VTI1A: variants seen among roughly 807,000 people sequenced by gnomAD.
VTI1A encodes vesicle transport through interaction with t-SNAREs homolog 1A.
VTI1A carries 22 observed loss-of-function variants against 34.9 expected under a neutral mutation model. The ratio of observed to expected loss-of-function variants is 0.63; its 90% CI spans 0.45 to 0.90. VTI1A has a LOEUF of 0.90. Ranked by LOEUF, VTI1A falls within the 40% of genes least tolerant of loss-of-function variation. VTI1A has a pLI of 0.00. For synonymous variants in VTI1A, 87 were observed against 97.3 expected, an observed-to-expected ratio of 0.89 and a Z score of 0.62; for missense variants, 268 against 275.6, an observed-to-expected ratio of 0.97 and a Z score of 0.20.
chr10:112,773,702 C>T (rs1288068801), intron 7 of VTI1A, among the ~76,000 whole-genome samples: 2 of 152,146 alleles, frequency 1.3e-5, no homozygotes, highest in Non-Finnish European at 2.9e-5. Context: ...ACTGCCCATC[C>T]GGTGCATCCT....
chr10:112,614,460 C>T (rs1845442218), intron 5 of VTI1A, among the ~76,000 whole-genome samples: 1 of 152,132 alleles, frequency 6.6e-6, no homozygotes, highest in Non-Finnish European at 1.5e-5. Context: ...AAGAAAGAGA[C>T]CGCCCATGGC....
the VTI1A span, among the ~76,000 whole-genome samples, chr10:112,839,504 T>C: frequency 1.4e-5 from 2 of 148,074 alleles, no homozygotes; most frequent in Non-Finnish European, 3.0e-5. Context: ...TGATGCCATC[T>C]GAGCTTTTTA....
intron 1 of VTI1A, among the ~76,000 whole-genome samples, chr10:112,452,608 A>G (rs561089165): frequency 2.0e-5 from 3 of 151,772 alleles, no homozygotes; most frequent in Non-Finnish European, 4.4e-5. Context: ...GGTTGTATTC[A>G]TCTTTGAATA....
chr10:112,821,518 A>T (rs1853655053), downstream of VTI1A, among the ~76,000 whole-genome samples: 1 of 152,160 alleles, frequency 6.6e-6, no homozygotes, highest in Admixed American at 6.5e-5. Context: ...TTGAGAATGA[A>T]CACATCCTCC....
At chr10:112,847,362 G>T in the VTI1A span, among the ~76,000 whole-genome samples, 2 of 152,050 alleles carry the variant, frequency 1.3e-5, no homozygotes, top group Non-Finnish European at 2.9e-5. Flanking sequence ...CAAGCAGACC[G>T]AATTTCCTAG....
intron 5 of VTI1A, among the ~76,000 whole-genome samples, chr10:112,577,122 T>C (rs1281096883): frequency 6.6e-6 from 1 of 152,204 alleles, no homozygotes; most frequent in African/African-American, 2.4e-5. Flanking sequence ...AAGAACTCAC[T>C]GAGTCCTCAC....
At chr10:112,566,188 CTAAG>C (rs566994496) in intron 5 of VTI1A, among the ~76,000 whole-genome samples, 117 of 152,018 alleles carry the variant, frequency 7.7e-4, no homozygotes, top group African/African-American at 2.7e-3. Flanking sequence ...TTCAATGAAT[CTAAG>C]TAAGAACTGA....
chr10:112,821,167 C>T (rs546001584), downstream of VTI1A, among the ~76,000 whole-genome samples: 9 of 152,324 alleles, frequency 5.9e-5, no homozygotes, highest in South Asian at 2.1e-4. Context: ...CATGAACTCG[C>T]GCACCCCCTC....
chr10:112,799,060 C>G (rs1415374771), intron 7 of VTI1A, among the ~76,000 whole-genome samples: 1 of 152,168 alleles, frequency 6.6e-6, no homozygotes, highest in East Asian at 1.9e-4. Flanking sequence ...CCCTCCCTGG[C>G]CTTTGACTCC....
chr10:112,527,698 A>G (rs1333597897), intron 4 of VTI1A, among the ~76,000 whole-genome samples: 1 of 137,414 alleles, frequency 7.3e-6, no homozygotes, highest in Non-Finnish European at 1.5e-5. Context: ...CTTCTGTCAA[A>G]TAATAGTCAT....
At chr10:112,762,587 A>T (rs1230453151) in intron 7 of VTI1A, among the ~76,000 whole-genome samples, 1 of 152,186 alleles carries the variant, frequency 6.6e-6, no homozygotes, top group East Asian at 1.9e-4. Flanking sequence ...CTTCAACAGG[A>T]CTGACTAATT....
At chr10:112,470,664 G>A (rs1347763061) in intron 3 of VTI1A, among the ~76,000 whole-genome samples, 1 of 152,108 alleles carries the variant, frequency 6.6e-6, no homozygotes, top group African/African-American at 2.4e-5. Context: ...ATCACTTGAA[G>A]TCAGGAGTTC....
At chr10:112,631,204 G>T (rs567550256) in intron 5 of VTI1A, among the ~76,000 whole-genome samples, 1 of 151,882 alleles carries the variant, frequency 6.6e-6, no homozygotes, top group South Asian at 2.1e-4. Context: ...AAGCTGATAA[G>T]AGCGTAGTAT....
chr10:112,753,880 C>G (rs1851187157), intron 7 of VTI1A, among the ~76,000 whole-genome samples: 1 of 152,110 alleles, frequency 6.6e-6, no homozygotes, highest in South Asian at 2.1e-4. Flanking sequence ...CCCTTTAGGT[C>G]AGAATGAATC....
intron 7 of VTI1A, among the ~76,000 whole-genome samples, chr10:112,692,193 A>G (rs947069149): frequency 6.6e-6 from 1 of 151,868 alleles, no homozygotes; most frequent in South Asian, 2.1e-4. Flanking sequence ...ACTAATGCAC[A>G]TATATGTCTC....
chr10:112,508,268 G>A (rs1396087649), intron 3 of VTI1A, among the ~76,000 whole-genome samples: 1 of 152,136 alleles, frequency 6.6e-6, no homozygotes, highest in African/African-American at 2.4e-5. Flanking sequence ...TTTACGAAGT[G>A]TATTTTGGCT....
At chr10:112,572,836 C>T (rs1345985056) in intron 5 of VTI1A, among the ~76,000 whole-genome samples, 3 of 81,652 alleles carry the variant, frequency 3.7e-5, no homozygotes, top group Non-Finnish European at 5.1e-5. Flanking sequence ...GAGACTCCGT[C>T]TCAACCAAAA....
At chr10:112,761,157 G>A (rs1004789505) in intron 7 of VTI1A, among the ~76,000 whole-genome samples, 13 of 152,100 alleles carry the variant, frequency 8.5e-5, no homozygotes, top group African/African-American at 2.4e-4. Flanking sequence ...GCTATTTAAC[G>A]AAGTGATTGT....
chr10:112,562,597 G>C (rs572380365), intron 5 of VTI1A, among the ~76,000 whole-genome samples: 1 of 151,944 alleles, frequency 6.6e-6, no homozygotes, highest in African/African-American at 2.4e-5. Context: ...CAACATCTGA[G>C]TGTCTCTTGA....
Sources: gnomAD v4.1 joint callset for allele counts (sites outside exome capture counted in the v4.1 genomes callset) on GRCh38, gnomAD v4.1.1 for gene constraint, MANE v1.5 for transcripts, NCBI Gene and HGNC (gene_info 2026-07-23, HGNC 2026-07-21) for gene names.